TNNT3: variants seen among roughly 807,000 people sequenced by gnomAD.
TNNT3 encodes the protein troponin T, fast skeletal muscle.
Under a neutral mutation model 54.2 loss-of-function variants are expected in TNNT3, and 36 were observed. That is an observed-to-expected ratio of 0.66 (90% CI 0.51 to 0.88). The LOEUF is 0.88. TNNT3 is among the 40% of genes least tolerant of loss of function. The probability of loss-of-function intolerance (pLI) is 0.00; values close to 1 mark genes in which losing one functional copy is unlikely to be tolerated. For synonymous variants in TNNT3, 120 were observed against 109.7 expected (o/e 1.09, Z -0.59); for missense variants, 291 against 331.6 (o/e 0.88, Z 0.95).
rs1176740396 is a variant in TNNT3 at position 1,934,859 on chromosome 11, G to C, written c.621G>C (p.Leu207=). The C allele has an allele frequency of 1.2e-6, 2 of 1,613,654 alleles. No individual in the cohort carries two copies. The highest frequency in any genetic ancestry group is 1.7e-6 in the Non-Finnish European group (2 of 1,180,040). The change falls in exon 14 of 16, where the codon CTG becomes CTC. Residue 207 remains leucine (L), a synonymous_variant. Transcript: ENST00000278317. ...AGGCCAAGGAGCTCTGGGAGACCCT[G>C]CACCAGCTGGAGATTGACAAGTTCG... The part of the protein sequence containing the change: ...RDKAKELWET[L]HQLEIDKFEF...
chr11:1,929,372 C>T (rs983922634), intron 7 of TNNT3, among the ~76,000 whole-genome samples: 4 of 152,226 alleles, frequency 2.6e-5, no homozygotes, highest in Admixed American at 2.0e-4. Flanking sequence ...TTCTGCCACA[C>T]AGCGGAGGGG....
At chr11:1,923,085 T>C in intron 3 of TNNT3, 24 bp downstream of exon 3, 2 of 1,613,952 alleles carry the variant, frequency 1.2e-6, no homozygotes, top group Non-Finnish European at 1.7e-6. Context: ...CCATTTTCTT[T>C]CTACTTCCTG....
chr11:1,928,975 GC>G (rs976275451), intron 6 of TNNT3, 144 bp from the exon 7 acceptor site: 1 of 960,548 alleles, frequency 1.0e-6, no homozygotes, highest in African/African-American at 1.6e-5. Context: ...CACTTGTAGG[GC>G]CCCGCAGGCA....
chr11:1,930,276 G>A (rs902957094), intron 8 of TNNT3, among the ~76,000 whole-genome samples: 2 of 152,072 alleles, frequency 1.3e-5, no homozygotes, highest in South Asian at 2.1e-4. Flanking sequence ...CACGGCCTTC[G>A]GGGGACCACA....
chr11:1,936,895 G>T, intron 14 of TNNT3, 68 bp from the exon 15 acceptor site: 1 of 1,516,948 alleles, frequency 6.6e-7, no homozygotes, highest in Non-Finnish European at 9.0e-7. Context: ...GGTGGAGACA[G>T]GCCTTCACCC....
At chr11:1,932,573 G>A (rs1003182256) in intron 9 of TNNT3, 59 bp downstream of exon 9, 9 of 1,570,798 alleles carry the variant, frequency 5.7e-6, no homozygotes, top group Non-Finnish European at 7.9e-6. Context: ...CAGCTTTTGG[G>A]CTCTAGGCCT....
chr11:1,932,000 C>T (rs570849771), intron 8 of TNNT3, among the ~76,000 whole-genome samples: 1 of 152,322 alleles, frequency 6.6e-6, no homozygotes, highest in East Asian at 1.9e-4. Flanking sequence ...TTCTTCCCAG[C>T]CCCCTCTCCT....
intron 14 of TNNT3, chr11:1,935,151 C>G (rs1352648908): frequency 6.6e-6 from 4 of 605,126 alleles, no homozygotes; most frequent in Non-Finnish European, 1.2e-5. Context: ...AGCGATGAAC[C>G]TGGCCCCTTT....
intron 6 of TNNT3, among the ~76,000 whole-genome samples, chr11:1,927,610 G>A (rs781206435): frequency 1.5e-4 from 23 of 152,170 alleles, no homozygotes; most frequent in South Asian, 6.2e-4. Context: ...TTGCTGGGCC[G>A]CTCTGGAACC....
chr11:1,926,776 T>A (rs1388404632), intron 6 of TNNT3, 67 bp downstream of exon 6: 1 of 1,601,196 alleles, frequency 6.2e-7, no homozygotes, highest in Non-Finnish European at 8.5e-7. Flanking sequence ...TCTTGCTTCC[T>A]CCCTCTTGCC....
intron 5 of TNNT3, 71 bp downstream of exon 5, chr11:1,925,187 C>G: frequency 4.5e-6 from 7 of 1,568,422 alleles, no homozygotes; most frequent in Non-Finnish European, 6.1e-6. Flanking sequence ...AAGTTGACCT[C>G]CACCCCGCCT....
chr11:1,934,323 T>G lies in TNNT3; in HGVS notation c.367-9T>G. The G allele has an allele frequency of 6.2e-7, 1 of 1,610,538 alleles. No individual in the cohort carries two copies. ...ATCCCTGAGCATCTTGGGAATGGGGTCTCCACAGGAGGAAAAGGCCAGAAG... is the reference window on the plus strand; with the variant it reads ...ATCCCTGAGCATCTTGGGAATGGGGGCTCCACAGGAGGAAAAGGCCAGAAG... On this transcript the variant is annotated splice_polypyrimidine_tract_variant and intron_variant, in intron 11 of 15. Transcript: ENST00000278317.
intron 8 of TNNT3, among the ~76,000 whole-genome samples, chr11:1,931,311 G>T (rs1368722969): frequency 4.6e-5 from 7 of 152,190 alleles, no homozygotes; most frequent in African/African-American, 1.7e-4. Flanking sequence ...GGAATTACTG[G>T]GTCAAAGAGT....
chr11:1,923,933 G>A (rs530511047), intron 4 of TNNT3, among the ~76,000 whole-genome samples: 127 of 146,632 alleles, frequency 8.7e-4, no homozygotes, highest in East Asian at 1.9e-4. Context: ...AGTGCCCTGC[G>A]TGCCCAGTGC....
At chr11:1,937,112 G>C (rs1237556213) in intron 15 of TNNT3, 109 bp downstream of exon 15, 6 of 1,243,214 alleles carry the variant, frequency 4.8e-6, no homozygotes, top group Non-Finnish European at 3.4e-6. Flanking sequence ...CGGCAGGGCA[G>C]TAACGAGACT....
At chr11:1,934,221 C>G (rs1486932712) in intron 11 of TNNT3, 111 bp from the exon 12 acceptor site, 1 of 1,135,224 alleles carries the variant, frequency 8.8e-7, no homozygotes, top group Non-Finnish European at 1.3e-6. Context: ...GTTCTAAGCC[C>G]AGGGTGGGCC....
intron 8 of TNNT3, among the ~76,000 whole-genome samples, chr11:1,932,063 C>A (rs891018112): frequency 6.6e-6 from 1 of 152,234 alleles, no homozygotes; most frequent in African/African-American, 2.4e-5. Context: ...GGGAAAGGCA[C>A]AGGCTCGCAG....
intron 1 of TNNT3, among the ~76,000 whole-genome samples, chr11:1,920,652 C>A (rs1181939298): frequency 2.0e-5 from 3 of 152,184 alleles, no homozygotes. Context: ...TTTGCCTCCC[C>A]ACCCTGCCCT....
At chr11:1,924,831 T>C (rs1851065463) in intron 4 of TNNT3, 1 of 598,458 alleles carries the variant, frequency 1.7e-6, no homozygotes. Context: ...CCCAGGAGGG[T>C]GGGAGGGGCC....
Sources: gnomAD v4.1 joint callset for allele counts (sites outside exome capture counted in the v4.1 genomes callset) on GRCh38, gnomAD v4.1.1 for gene constraint, MANE v1.5 for transcripts, NCBI Gene and HGNC (gene_info 2026-07-23, HGNC 2026-07-21) for gene names.